The following GRIA1 variants were observed in gnomAD, a reference collection of about 807,000 sequenced individuals.
GRIA1 encodes glutamate receptor 1.
A neutral mutation model predicts 99.2 loss-of-function variants in GRIA1; 31 were observed. The observed-to-expected ratio is 0.31, with a 90% CI of 0.23 to 0.42. GRIA1 has a LOEUF of 0.42. Ranked by LOEUF, GRIA1 falls within the 10% of genes least tolerant of loss-of-function variation. The probability of loss-of-function intolerance (pLI) is 1.00; values close to 1 mark genes in which losing one functional copy is unlikely to be tolerated. For missense variants in GRIA1, 782 were observed against 1,157.5 expected (o/e 0.68, Z 4.71); for synonymous variants, 438 against 432.4 (o/e 1.01, Z -0.16).
chr5:153,688,551 TA>T (rs1002543566), intron 8 of GRIA1, among the ~76,000 whole-genome samples: 3 of 152,166 alleles, frequency 2.0e-5, no homozygotes, highest in African/African-American at 7.2e-5. Flanking sequence ...TAGTGGTTAT[TA>T]ATAGCTATAG....
At chr5:153,796,137 T>G (rs2149662872) in intron 14 of GRIA1, among the ~76,000 whole-genome samples, 1 of 151,914 alleles carries the variant, frequency 6.6e-6, no homozygotes, top group East Asian at 1.9e-4. Context: ...AGCAGGGTTC[T>G]CCATCCAGGT....
Position 153,674,342 on chromosome 5 carries a change from A to G in GRIA1, c.700-158A>G, listed in dbSNP as rs186400809. 5.0e-3 allele frequency among the ~76,000 whole-genome samples: 574 copies of G among 115,954 alleles called. 2 individuals are homozygous for G. Among genetic ancestry groups the G allele is most frequent in the African/African-American group, 0.014 (535 of 38,760 alleles). The allele number at this position is 115,954 out of a possible 152,430, so 76.1% of individuals were successfully genotyped here. A position where few individuals can be genotyped will look rare whatever the true frequency, so the allele number is the denominator to read the frequency against. On this transcript the variant is annotated intron_variant, in intron 5 of 15. Coordinates refer to ENST00000285900, the MANE Select transcript of GRIA1 (RefSeq NM_000827.4). Reference sequence around the variant, plus strand: ...CTGTGCTAATTTTGTGCACAAACTAAGTAATAATCAAGTTCAAAGGAAAGG... The same window carrying G: ...CTGTGCTAATTTTGTGCACAAACTAGGTAATAATCAAGTTCAAAGGAAAGG...
At chr5:153,808,182 G>C (rs1766567226) in intron 15 of GRIA1, among the ~76,000 whole-genome samples, 1 of 152,134 alleles carries the variant, frequency 6.6e-6, no homozygotes, top group Non-Finnish European at 1.5e-5. Context: ...GGGAAATAAG[G>C]TCCCAAAGGG....
intron 11 of GRIA1, among the ~76,000 whole-genome samples, chr5:153,738,720 C>CTTTTTTTTTTTTTTTTTTTT (rs55874747): frequency 2.0e-5 from 2 of 102,356 alleles, no homozygotes; most frequent in Admixed American, 1.2e-4. Context: ...TCCATACCTT[C>CTTTTTTTTTTTTTTTTTTTT]TTTTTTTTTT....
chr5:153,773,062 C>T (rs1321671654), intron 13 of GRIA1, among the ~76,000 whole-genome samples: 1 of 152,078 alleles, frequency 6.6e-6, no homozygotes, highest in African/African-American at 2.4e-5. Flanking sequence ...AAAACTCAGG[C>T]CATTTGGCAC....
intron 2 of GRIA1, among the ~76,000 whole-genome samples, chr5:153,512,274 A>T (rs1756165248): frequency 6.6e-6 from 1 of 152,104 alleles, no homozygotes; most frequent in Non-Finnish European, 1.5e-5. Context: ...ACCCCACTTT[A>T]CCTTGAGTGA....
chr5:153,737,288 G>C (rs1383889031), intron 11 of GRIA1, among the ~76,000 whole-genome samples: 1 of 106,560 alleles, frequency 9.4e-6, no homozygotes, highest in Non-Finnish European at 1.8e-5. Context: ...TGGCAACCCC[G>C]GTAAAAAAAA....
intron 2 of GRIA1, among the ~76,000 whole-genome samples, chr5:153,598,457 CAG>C (rs1380591226): frequency 6.6e-6 from 1 of 152,052 alleles, no homozygotes; most frequent in Non-Finnish European, 1.5e-5. Flanking sequence ...TGCAGTTACA[CAG>C]GGGAAAAAGT....
At chr5:153,678,577 C>T (rs886159516) in intron 7 of GRIA1, among the ~76,000 whole-genome samples, 9 of 152,160 alleles carry the variant, frequency 5.9e-5, no homozygotes, top group African/African-American at 2.2e-4. Flanking sequence ...CTTTCTACCC[C>T]CACCTCAGCT....
At chr5:153,491,903 C>A (rs961988813) in intron 1 of GRIA1, among the ~76,000 whole-genome samples, 2 of 152,164 alleles carry the variant, frequency 1.3e-5, no homozygotes, top group African/African-American at 2.4e-5. Flanking sequence ...ACAGATATTG[C>A]TACTCCTGAT....
intron 13 of GRIA1, among the ~76,000 whole-genome samples, chr5:153,792,908 A>G (rs1387094480): frequency 6.6e-6 from 1 of 152,198 alleles, no homozygotes; most frequent in Non-Finnish European, 1.5e-5. Flanking sequence ...CACATTTAAA[A>G]TCCCAATGTG....
intron 11 of GRIA1, among the ~76,000 whole-genome samples, chr5:153,746,625 A>AAAT (rs1244143276): frequency 6.6e-6 from 1 of 152,174 alleles, no homozygotes; most frequent in South Asian, 2.1e-4. Context: ...TCACCTCTGA[A>AAAT]AATGAGCTGA....
At chr5:153,523,380 C>G in intron 2 of GRIA1, among the ~76,000 whole-genome samples, 1 of 152,182 alleles carries the variant, frequency 6.6e-6, no homozygotes, top group East Asian at 1.9e-4. Context: ...ATGCAGTTTA[C>G]CACTTCCTCC....
rs1554122141 is a variant in GRIA1, at chr5:153,741,946, A to AG, written c.1824-22488_1824-22487insG. ...CTAAAGCTTTTTTTAAAAAAAAAAAAAAAAGAAAAAGAGGAAATATGCCTA... is the reference window on the plus strand; with the variant it reads ...CTAAAGCTTTTTTTAAAAAAAAAAAAGAAAAGAAAAAGAGGAAATATGCCTA... On this transcript the variant is annotated intron_variant, in intron 11 of 15. Coordinates refer to ENST00000285900, the MANE Select transcript of GRIA1 (RefSeq NM_000827.4). Among the ~76,000 whole-genome samples, 1,056 of 149,828 alleles carry AG rather than the reference A, an allele frequency of 7.0e-3. 31 individuals carry two copies. The highest frequency in any genetic ancestry group is 0.068 in the East Asian group (347 of 5,072).
intron 2 of GRIA1, among the ~76,000 whole-genome samples, chr5:153,631,813 T>C (rs1483810702): frequency 2.0e-5 from 3 of 152,160 alleles, no homozygotes; most frequent in Non-Finnish European, 4.4e-5. Context: ...AACTAAATGT[T>C]GTGACCGAGA....
intron 13 of GRIA1, among the ~76,000 whole-genome samples, chr5:153,790,887 C>G (rs2149654116): frequency 6.6e-6 from 1 of 152,204 alleles, no homozygotes; most frequent in East Asian, 1.9e-4. Flanking sequence ...CCAGATTTTC[C>G]AAGGTTCCTG....
At chr5:153,763,704 A>G (rs1313466092) in intron 11 of GRIA1, among the ~76,000 whole-genome samples, 1 of 152,192 alleles carries the variant, frequency 6.6e-6, no homozygotes, top group Middle Eastern at 3.2e-3. Flanking sequence ...GTTTCTCTTC[A>G]TTGTTTGGGA....
intron 1 of GRIA1, among the ~76,000 whole-genome samples, chr5:153,492,966 G>A (rs928884796): frequency 6.6e-6 from 1 of 152,192 alleles, no homozygotes; most frequent in African/African-American, 2.4e-5. Flanking sequence ...TGTTTGGACT[G>A]TGATTACTGT....
chr5:153,726,157 A>G (rs1760508974), intron 11 of GRIA1, among the ~76,000 whole-genome samples: 2 of 152,092 alleles, frequency 1.3e-5, no homozygotes, highest in Non-Finnish European at 2.9e-5. Context: ...ACATAACAAA[A>G]TGAAGGCAGA....
Sources: gnomAD v4.1 joint callset for allele counts (sites outside exome capture counted in the v4.1 genomes callset) on GRCh38, gnomAD v4.1.1 for gene constraint, MANE v1.5 for transcripts, NCBI Gene and HGNC (gene_info 2026-07-23, HGNC 2026-07-21) for gene names.